LRRC37A2: variants seen among roughly 807,000 people sequenced by gnomAD.
The protein encoded by LRRC37A2 is leucine rich repeat containing 37 member A2, also known as leucine-rich repeat-containing protein 37A2.
Under a neutral mutation model 68.8 loss-of-function variants are expected in LRRC37A2, and 9 were observed. The ratio of observed to expected loss-of-function variants is 0.13; its 90% CI spans 0.08 to 0.23. The LOEUF (loss-of-function observed/expected upper bound fraction) is 0.23. Ranked by LOEUF, LRRC37A2 falls within the 10% of genes least tolerant of loss-of-function variation. The probability of loss-of-function intolerance (pLI) is 1.00; values close to 1 mark genes in which losing one functional copy is unlikely to be tolerated. For synonymous variants in LRRC37A2, 63 were observed against 367.6 expected (o/e 0.17, Z 9.48); for missense variants, 168 against 950.4 (o/e 0.18, Z 10.82).
chr17:47,021,781 T>C, the LRRC37A2 span: 1 of 1,085,444 alleles, frequency 9.2e-7, no homozygotes, highest in Non-Finnish European at 1.4e-6. Flanking sequence ...AAGGTTGCAA[T>C]GATTCTTTTA....
At chr17:46,455,603 T>C in the LRRC37A2 span, among the ~76,000 whole-genome samples, 3 of 104,904 alleles carry the variant, frequency 2.9e-5, no homozygotes. Context: ...GTACTTTTTT[T>C]CTTAAAGATA....
chr17:46,828,327 G>C, the LRRC37A2 span, among the ~76,000 whole-genome samples: 1 of 152,042 alleles, frequency 6.6e-6, no homozygotes, highest in African/African-American at 2.4e-5. Flanking sequence ...TTCCCAAGGA[G>C]CTGGGACTAC....
the LRRC37A2 span, among the ~76,000 whole-genome samples, chr17:46,995,356 G>A: frequency 6.6e-6 from 1 of 152,202 alleles, no homozygotes; most frequent in Non-Finnish European, 1.5e-5. Flanking sequence ...TGAGTCACTA[G>A]AGGTATGTTC....
At chr17:46,986,691 G>A in the LRRC37A2 span, among the ~76,000 whole-genome samples, 5 of 152,190 alleles carry the variant, frequency 3.3e-5, no homozygotes, top group Non-Finnish European at 5.9e-5. Flanking sequence ...CTGAGACCGC[G>A]GAGAAGTGAG....
At chr17:46,987,354 G>A in the LRRC37A2 span, among the ~76,000 whole-genome samples, 2 of 152,244 alleles carry the variant, frequency 1.3e-5, no homozygotes, top group Admixed American at 6.5e-5. Flanking sequence ...GCGCCAGGAC[G>A]CTCAGGACTT....
At chr17:47,007,039 A>G in the LRRC37A2 span, among the ~76,000 whole-genome samples, 1 of 152,250 alleles carries the variant, frequency 6.6e-6, no homozygotes, top group East Asian at 1.9e-4. Flanking sequence ...TCAGTTGCAT[A>G]GAAGCTGAGG....
the LRRC37A2 span, chr17:46,932,155 G>A: frequency 6.2e-7 from 1 of 1,614,142 alleles, no homozygotes; most frequent in Non-Finnish European, 8.5e-7. Context: ...GGAGCAGCAG[G>A]AGAGACAGCG....
the LRRC37A2 span, among the ~76,000 whole-genome samples, chr17:46,767,239 C>A: frequency 6.6e-6 from 1 of 152,122 alleles, no homozygotes; most frequent in Non-Finnish European, 1.5e-5. Flanking sequence ...GGAACAAAAT[C>A]CACCCGCCTT....
At chr17:46,940,252 T>A in the LRRC37A2 span, 2 of 1,423,616 alleles carry the variant, frequency 1.4e-6, no homozygotes, top group Admixed American at 2.9e-5. Context: ...TTTCACACTT[T>A]CGGTTGGAGG....
intron 8 of LRRC37A2, among the ~76,000 whole-genome samples, chr17:46,545,777 G>C (rs1176870459): frequency 2.7e-5 from 4 of 146,806 alleles, no homozygotes; most frequent in Admixed American, 6.7e-5. Context: ...AAATTGTCCA[G>C]ATTTGACCAA....
At chr17:46,630,739 G>A in the LRRC37A2 span, 1 of 349,004 alleles carries the variant, frequency 2.9e-6, no homozygotes, top group South Asian at 4.2e-5. Flanking sequence ...TAGATAATAA[G>A]CCAAAGAACT....
chr17:46,802,179 G>A, the LRRC37A2 span, among the ~76,000 whole-genome samples: 3 of 152,182 alleles, frequency 2.0e-5, no homozygotes, highest in Non-Finnish European at 2.9e-5. Flanking sequence ...ATGAGCTGAC[G>A]GAAGAGCTGG....
At chr17:47,003,975 G>GT in the LRRC37A2 span, among the ~76,000 whole-genome samples, 22 of 152,136 alleles carry the variant, frequency 1.4e-4, no homozygotes, top group Non-Finnish European at 2.8e-4. Flanking sequence ...GCAGTGTTTG[G>GT]TTTTTTGTTC....
At chr17:46,741,025 C>T in the LRRC37A2 span, among the ~76,000 whole-genome samples, 1 of 152,092 alleles carries the variant, frequency 6.6e-6, no homozygotes, top group Non-Finnish European at 1.5e-5. Context: ...TGATATGGGG[C>T]TTGTGGGGGC....
At chr17:46,787,982 G>A in the LRRC37A2 span, among the ~76,000 whole-genome samples, 1 of 150,698 alleles carries the variant, frequency 6.6e-6, no homozygotes, top group South Asian at 2.1e-4. Flanking sequence ...AAAAGATGTA[G>A]CCTCCACCCT....
chr17:46,553,983 T>TG (rs2057095166), intron 12 of LRRC37A2: 1 of 987,872 alleles, frequency 1.0e-6, no homozygotes, highest in South Asian at 4.1e-5. Flanking sequence ...TCAAGGCTGA[T>TG]GGAAGGTAGG....
rs952759488 is a variant in LRRC37A2 at position 46,543,637 on chromosome 17, C to G, written c.3054-2618C>G. Among the ~76,000 whole-genome samples, 26 of 150,912 alleles carry G rather than the reference C, an allele frequency of 1.7e-4. 1 individual carries two copies. Among genetic ancestry groups the G allele is most frequent in the African/African-American group, 6.5e-4 (26 of 40,228 alleles). On this transcript the variant is annotated intron_variant, in intron 8 of 14. Coordinates refer to ENST00000576629, the Ensembl canonical transcript of LRRC37A2. Reference sequence around the variant, plus strand: ...AGGGTCATTATGTCTGCAACTGACTCTCAAATGGTTTTGTCCAGAAAATGT... The same window carrying G: ...AGGGTCATTATGTCTGCAACTGACTGTCAAATGGTTTTGTCCAGAAAATGT...
the LRRC37A2 span, among the ~76,000 whole-genome samples, chr17:46,890,819 G>A: frequency 2.6e-5 from 4 of 152,206 alleles, no homozygotes; most frequent in South Asian, 4.1e-4. Context: ...CAAGAGGCAC[G>A]GGCGGGGGTT....
chr17:46,825,525 C>T, the LRRC37A2 span, among the ~76,000 whole-genome samples: 3 of 152,256 alleles, frequency 2.0e-5, no homozygotes, highest in Non-Finnish European at 2.9e-5. Flanking sequence ...AACCCAGCTC[C>T]GGTTGATGCA....
Sources: allele counts gnomAD v4.1 joint callset (sites outside exome capture counted in the v4.1 genomes callset), GRCh38; gene constraint gnomAD v4.1.1; transcripts MANE v1.5; gene names NCBI Gene and HGNC (gene_info 2026-07-23, HGNC 2026-07-21).